Variants in MANSC4 observed in about 807,000 individuals in gnomAD.
MANSC4 encodes MANSC domain containing 4, also known as MANSC domain-containing protein 4.
Under a neutral mutation model 11.4 loss-of-function variants are expected in MANSC4, and 11 were observed. The observed-to-expected ratio is 0.97, with a 90% CI of 0.61 to 1.60. The LOEUF is 1.60. Among genes scored for constraint, MANSC4 ranks in the 40% most tolerant of loss-of-function variants. The pLI is 0.00. For missense variants in MANSC4, 354 were observed against 404.6 expected (o/e 0.88, Z 1.07); for synonymous variants, 123 against 147.1 (o/e 0.84, Z 1.19).
chr12:27,771,933 C>T (rs866859872), intron 1 of MANSC4, among the ~76,000 whole-genome samples: 9 of 151,998 alleles, frequency 5.9e-5, no homozygotes, highest in African/African-American at 1.7e-4. Context: ...AATCTCAACA[C>T]TTTGGGAGGC....
intron 1 of MANSC4, among the ~76,000 whole-genome samples, chr12:27,778,578 C>CAAAA (rs1204497319): frequency 1.3e-5 from 2 of 150,794 alleles, no homozygotes; most frequent in East Asian, 2.0e-4. Flanking sequence ...AAAAAAAAAC[C>CAAAA]AAACACATAT....
chr12:27,766,008 T>C (rs1384415103), intron 3 of MANSC4, among the ~76,000 whole-genome samples: 1 of 151,988 alleles, frequency 6.6e-6, no homozygotes, highest in Non-Finnish European at 1.5e-5. Flanking sequence ...GCAGTGTCCA[T>C]GGCCCTCAAA....
chr12:27,764,969 C>G (rs563704729), intron 3 of MANSC4, among the ~76,000 whole-genome samples: 1 of 152,230 alleles, frequency 6.6e-6, no homozygotes, highest in African/African-American at 2.4e-5. Flanking sequence ...TCATGAGTAC[C>G]TGGGACCAAC....
Position 27,762,810 on chromosome 12 carries a change from A to G in MANSC4, c.951T>C (p.Tyr317=). 6.4e-7 allele frequency: 1 copy of G among 1,551,772 alleles called. No homozygotes were observed. The highest frequency in any genetic ancestry group is 8.7e-7 in the Non-Finnish European group (1 of 1,147,018). Residue 317 remains tyrosine (Y), a synonymous_variant, in exon 4 of 4, where the codon TAT becomes TAC. Transcript: ENST00000381273. ...ATCCTGATTTTCTCTGTCCTGGTTT[A>G]TACTGGCCCTGCTGCTTTCCACAGC... ...SGCCGKQQGQ[Y]KPGQRKSGSL...
chr12:27,767,685 G>A (rs1000206585), intron 2 of MANSC4, among the ~76,000 whole-genome samples: 1 of 151,942 alleles, frequency 6.6e-6, no homozygotes, highest in Non-Finnish European at 1.5e-5. Flanking sequence ...CAACAAGAGC[G>A]AAACTCCGTC....
At chr12:27,774,412 G>GT (rs140569800) in intron 1 of MANSC4, among the ~76,000 whole-genome samples, 1 of 151,952 alleles carries the variant, frequency 6.6e-6, no homozygotes, top group South Asian at 2.1e-4. Context: ...AAACTTAAAT[G>GT]TTTTTTCTTT....
intron 3 of MANSC4, among the ~76,000 whole-genome samples, chr12:27,765,450 T>C (rs2062068244): frequency 6.6e-6 from 1 of 152,202 alleles, no homozygotes; most frequent in African/African-American, 2.4e-5. Context: ...CTACCTTATC[T>C]TAGCCATATT....
In MANSC4 at chr12:27,771,206, CAG is replaced by C. The variant is rs1390570991; in HGVS notation, c.69_70del (p.Cys24LeufsTer37). On this transcript the variant is annotated frameshift_variant, in exon 2 of 4. Transcript: ENST00000381273. LOFTEE classifies it high-confidence loss of function. ...GTCTCTGTAAAAAATTGTGGGTGAGCAGAGAGAGTCTGATGTCCACCCCATGC... is the reference window on the plus strand; with the variant it reads ...GTCTCTGTAAAAAATTGTGGGTGAGCAGAGAGTCTGATGTCCACCCCATGC... 3.2e-6 allele frequency: 5 copies of C among 1,551,910 alleles called. No homozygotes were observed. The East Asian group carries it at 9.8e-5, about 30-fold the overall frequency.
At chr12:27,764,710 T>A (rs2062064217) in intron 3 of MANSC4, among the ~76,000 whole-genome samples, 1 of 152,140 alleles carries the variant, frequency 6.6e-6, no homozygotes, top group South Asian at 2.1e-4. Flanking sequence ...ATTTATCCAG[T>A]CTTCTATTGG....
At chr12:27,773,385 G>C (rs2062107849) in intron 1 of MANSC4, among the ~76,000 whole-genome samples, 1 of 150,936 alleles carries the variant, frequency 6.6e-6, no homozygotes, top group Non-Finnish European at 1.5e-5. Flanking sequence ...TGCAGAGGTA[G>C]AGGGAGGCAT....
chr12:27,763,164 A>G lies in MANSC4; in HGVS notation c.597T>C (p.Phe199=), dbSNP rs1414904168. Residue 199 remains phenylalanine (F), a synonymous_variant, in exon 4 of 4, where the codon TTT becomes TTC. Transcript: ENST00000381273. ...CATTCAGGGAAGTAAATCTTGCCCA[A>G]AAATCTGTGGTTAATTCCTTAGAAT... ...TSYSKELTTD[F]WARFTSLNES... is the part of the protein sequence containing the mutation. 2 of 1,551,714 alleles carry G rather than the reference A, an allele frequency of 1.3e-6. No homozygotes were observed. The highest frequency in any genetic ancestry group is 8.7e-7 in the Non-Finnish European group (1 of 1,147,010).
chr12:27,763,105 G>A lies in MANSC4; in HGVS notation c.656C>T (p.Pro219Leu). 5 of 1,551,712 alleles carry A rather than the reference G, an allele frequency of 3.2e-6. No individual in the cohort carries two copies. The highest frequency in any genetic ancestry group is 2.6e-6 in the Non-Finnish European group (3 of 1,147,008). Reference protein sequence around the residue: ...SITTKINKVSPSTDFISNPDN... With the variant: ...SITTKINKVSLSTDFISNPDN... Reference sequence around the variant, plus strand: ...TGGATTGCTGATGAAATCAGTACTTGGTGACACCTTATTTATCTTTGTGGT... The same window carrying A: ...TGGATTGCTGATGAAATCAGTACTTAGTGACACCTTATTTATCTTTGTGGT... Residue 219 changes from proline (P) to leucine (L), a missense_variant, in exon 4 of 4, where the codon CCA becomes CTA. By Grantham distance (98) the Pro-to-Leu change is moderately conservative (BLOSUM62 -3). Coordinates refer to ENST00000381273, the MANE Select transcript of MANSC4 (RefSeq NM_001146221.5).
rs911034577 is a variant in MANSC4 at position 27,767,180 on chromosome 12, C to G, written c.230-381G>C. ...TTTTTTTGTAGAGGCAGGGTTTCACCATGTTGCCCAGGCTGGTCTCAAACT... is the reference window on the plus strand; with the variant it reads ...TTTTTTTGTAGAGGCAGGGTTTCACGATGTTGCCCAGGCTGGTCTCAAACT... On this transcript the variant is annotated intron_variant, in intron 2 of 3. Coordinates refer to ENST00000381273, the MANE Select transcript of MANSC4 (RefSeq NM_001146221.5). 2.6e-5 allele frequency among the ~76,000 whole-genome samples: 4 copies of G among 152,030 alleles called. No homozygotes were observed. The East Asian group carries it at 7.7e-4, about 29-fold the overall frequency.
At chr12:27,775,326 C>G (rs2062115670) in intron 1 of MANSC4, among the ~76,000 whole-genome samples, 1 of 152,060 alleles carries the variant, frequency 6.6e-6, no homozygotes, top group South Asian at 2.1e-4. Context: ...CCTATAATCC[C>G]AACACTTTCT....
At chr12:27,766,224 C>T (rs903630745) in intron 3 of MANSC4, among the ~76,000 whole-genome samples, 19 of 152,130 alleles carry the variant, frequency 1.2e-4, no homozygotes, top group South Asian at 6.2e-4. Context: ...TGCGCCACCA[C>T]GCACAGCTAA....
intron 2 of MANSC4, among the ~76,000 whole-genome samples, chr12:27,767,695 C>T (rs2062079309): frequency 6.6e-6 from 1 of 151,526 alleles, no homozygotes; most frequent in Admixed American, 6.6e-5. Context: ...GAAACTCCGT[C>T]TCAACAACAA....
intron 1 of MANSC4, among the ~76,000 whole-genome samples, chr12:27,778,297 TAAAC>T (rs1028853982): frequency 2.0e-5 from 3 of 151,212 alleles, no homozygotes; most frequent in East Asian, 1.9e-4. Context: ...GTAATAATAA[TAAAC>T]AAAGTAAAAG....
chr12:27,768,427 A>G (rs1156989346), intron 2 of MANSC4, among the ~76,000 whole-genome samples: 2 of 112,646 alleles, frequency 1.8e-5, no homozygotes, highest in South Asian at 2.8e-4. Flanking sequence ...AAAAAAGAAA[A>G]AGAAAAAGAA....
chr12:27,777,415 T>C (rs2062123142), intron 1 of MANSC4, among the ~76,000 whole-genome samples: 1 of 152,194 alleles, frequency 6.6e-6, no homozygotes, highest in African/African-American at 2.4e-5. Context: ...GTCTCTTTGA[T>C]ACAGGGGACG....
Sources: gnomAD v4.1 joint callset for allele counts (sites outside exome capture counted in the v4.1 genomes callset) on GRCh38, gnomAD v4.1.1 for gene constraint, MANE v1.5 for transcripts, NCBI Gene and HGNC (gene_info 2026-07-23, HGNC 2026-07-21) for gene names.